Variants in PATJ observed in about 807,000 individuals in gnomAD.
PATJ encodes the protein PATJ crumbs cell polarity complex component.
PATJ carries 190 observed loss-of-function variants against 224.9 expected under a neutral mutation model. That is an observed-to-expected ratio of 0.84 (90% CI 0.75 to 0.95). PATJ has a LOEUF of 0.95. Among genes scored for constraint, PATJ ranks in the 40% least tolerant of loss-of-function variants. The pLI is 0.00. For missense variants in PATJ, 2,121 were observed against 2,270.3 expected, an observed-to-expected ratio of 0.93 and a Z score of 1.34; for synonymous variants, 769 against 820.3, an observed-to-expected ratio of 0.94 and a Z score of 1.07.
At chr1:61,795,947 C>T (rs1417578085) in intron 10 of PATJ, among the ~76,000 whole-genome samples, 2 of 152,064 alleles carry the variant, frequency 1.3e-5, no homozygotes, top group Non-Finnish European at 2.9e-5. Flanking sequence ...TTTCTGTTAA[C>T]AATAATTATA....
intron 41 of PATJ, among the ~76,000 whole-genome samples, chr1:62,132,697 G>A (rs143491731): frequency 0.013 from 2,019 of 152,226 alleles, 22 homozygotes; most frequent in Non-Finnish European, 0.022. Context: ...GAGCCCAGAA[G>A]TTTGAGACCA....
intron 23 of PATJ, among the ~76,000 whole-genome samples, chr1:61,900,934 C>T (rs1160266105): frequency 6.6e-6 from 1 of 152,124 alleles, no homozygotes; most frequent in Non-Finnish European, 1.5e-5. Context: ...GTTATTTCTT[C>T]AGTCCATTCT....
intron 26 of PATJ, among the ~76,000 whole-genome samples, chr1:61,920,023 C>T (rs1674054292): frequency 6.6e-6 from 1 of 152,088 alleles, no homozygotes; most frequent in Non-Finnish European, 1.5e-5. Flanking sequence ...CTTATACTTA[C>T]TGATTTTTTT....
rs1220116143 is a variant in PATJ at position 62,086,436 on chromosome 1, G to A, written c.4377+1788G>A. ...GCCCTTCACTACCTAAAACCAGGGC[G>A]ACTCCCTAGAGACAATCACTCTTGT... On this transcript the variant is annotated intron_variant, in intron 33 of 43. Coordinates refer to ENST00000642238, the MANE Select transcript of PATJ (RefSeq NM_001350145.3). This position sits in a 1 kb window ranked among gnomAD's most constrained non-coding sequence, Gnocchi z 4.0. Among the ~76,000 whole-genome samples the A allele has an allele frequency of 7.9e-5, 12 of 152,050 alleles. No individual in the cohort carries two copies. The highest frequency in any genetic ancestry group is 2.2e-4 in the African/African-American group (9 of 41,378).
At chr1:62,110,194 C>T (rs1387931669) in intron 34 of PATJ, among the ~76,000 whole-genome samples, 3 of 152,192 alleles carry the variant, frequency 2.0e-5, no homozygotes, top group African/African-American at 4.8e-5. Flanking sequence ...GAGAGTCTAA[C>T]ACTTGTTTAG....
chr1:62,144,772 A>AT (rs1558231247), intron 41 of PATJ, among the ~76,000 whole-genome samples: 12 of 79,328 alleles, frequency 1.5e-4, no homozygotes, highest in African/African-American at 7.5e-4. Context: ...TTTGCAAAAA[A>AT]AAAAAATATA....
chr1:61,968,946 T>C (rs917468301), intron 27 of PATJ, among the ~76,000 whole-genome samples: 2 of 152,252 alleles, frequency 1.3e-5, no homozygotes, highest in African/African-American at 4.8e-5. Context: ...TTGACTACTT[T>C]AGATGTTTTG....
intron 24 of PATJ, among the ~76,000 whole-genome samples, chr1:61,902,377 C>G (rs1345987067): frequency 6.6e-6 from 1 of 151,878 alleles, no homozygotes; most frequent in Non-Finnish European, 1.5e-5. Flanking sequence ...ATGATGCTAA[C>G]TGTTAATCAT....
At chr1:61,998,741 TA>T (rs1468430888) in intron 28 of PATJ, among the ~76,000 whole-genome samples, 2 of 152,200 alleles carry the variant, frequency 1.3e-5, no homozygotes, top group East Asian at 3.9e-4. Flanking sequence ...CAGGAACTAT[TA>T]TGTAAAACCT....
chr1:62,121,372 A>G (rs1184559264), intron 38 of PATJ, 77 bp downstream of exon 38: 1 of 870,506 alleles, frequency 1.1e-6, no homozygotes, highest in Non-Finnish European at 1.8e-6. Flanking sequence ...TTTAAAAACC[A>G]GTCTTCTTTA....
intron 41 of PATJ, among the ~76,000 whole-genome samples, chr1:62,138,720 A>C (rs980629011): frequency 6.6e-6 from 1 of 152,186 alleles, no homozygotes; most frequent in Admixed American, 6.5e-5. Flanking sequence ...GCGGGACATG[A>C]GAGAAAAGTT....
intron 28 of PATJ, among the ~76,000 whole-genome samples, chr1:62,008,349 C>G (rs1172073483): frequency 2.0e-5 from 3 of 152,206 alleles, no homozygotes; most frequent in Non-Finnish European, 4.4e-5. Context: ...CATTCCTCAT[C>G]TGGTCTGGCT....
In PATJ at chr1:61,744,726, C is replaced by T. The variant is rs555843412; in HGVS notation, c.-36+2171C>T. Among the ~76,000 whole-genome samples the T allele has an allele frequency of 3.5e-4, 53 of 152,284 alleles. 1 individual carries two copies. Among genetic ancestry groups the T allele is most frequent in the African/African-American group, 1.2e-3 (49 of 41,564 alleles). ...TCTGCATCAAGCAATAGCTGAGCATCTAACAGTTCGATTCTGAAACTATTT... is the reference window on the plus strand; with the variant it reads ...TCTGCATCAAGCAATAGCTGAGCATTTAACAGTTCGATTCTGAAACTATTT... On this transcript the variant is annotated intron_variant, in intron 1 of 43. Transcript: ENST00000642238.
intron 6 of PATJ, among the ~76,000 whole-genome samples, chr1:61,773,205 G>T (rs1646717335): frequency 6.6e-6 from 1 of 151,944 alleles, no homozygotes; most frequent in African/African-American, 2.4e-5. Context: ...TGTACTTTTG[G>T]TAGAGATGGG....
intron 12 of PATJ, among the ~76,000 whole-genome samples, chr1:61,804,107 C>A (rs1653072486): frequency 1.3e-5 from 2 of 152,004 alleles, no homozygotes; most frequent in Non-Finnish European, 1.5e-5. Context: ...AAATAAATTG[C>A]CAATTTTGTT....
Position 61,771,568 on chromosome 1 carries a change from C to T in PATJ, c.662C>T (p.Pro221Leu), listed in dbSNP as rs756693199. Reference protein sequence around the residue: ...GSLRLIVAREPVHTKSSTSSS... With the variant: ...GSLRLIVARELVHTKSSTSSS... ...TTGAGACTGATTGTGGCCAGGGAAC[C>T]AGTCCACACAAAAAGCAGTACTTCT... Residue 221 changes from proline to leucine, a missense_variant, in exon 6 of 44, where the codon CCA becomes CTA. By Grantham distance (98) the Pro-to-Leu change is moderately conservative. Coordinates refer to ENST00000642238, the MANE Select transcript of PATJ (RefSeq NM_001350145.3). The T allele has an allele frequency of 2.5e-6, 4 of 1,611,712 alleles. No individual in the cohort carries two copies. The highest frequency in any genetic ancestry group is 1.7e-5 in the Admixed American group (1 of 59,466).
chr1:61,873,895 T>A (rs1489855634), intron 20 of PATJ, among the ~76,000 whole-genome samples: 1 of 152,198 alleles, frequency 6.6e-6, no homozygotes, highest in Non-Finnish European at 1.5e-5. Context: ...TCAGCTGCTG[T>A]GGGGTGGCCC....
At chr1:61,817,725 A>G (rs748261061) in intron 14 of PATJ, among the ~76,000 whole-genome samples, 1 of 152,206 alleles carries the variant, frequency 6.6e-6, no homozygotes, top group Non-Finnish European at 1.5e-5. Context: ...ATGAAGCTCT[A>G]ATGGATCGTT....
chr1:61,822,810 T>G, intron 14 of PATJ, 135 bp from the exon 15 acceptor site: 2 of 987,858 alleles, frequency 2.0e-6, no homozygotes, highest in East Asian at 2.4e-5. Context: ...AATTTTCCTA[T>G]TATTGTCCTC....
Sources: allele counts gnomAD v4.1 joint callset (sites outside exome capture counted in the v4.1 genomes callset), GRCh38; gene constraint gnomAD v4.1.1; non-coding constraint Gnocchi (gnomAD v3.1); transcripts MANE v1.5; gene names NCBI Gene and HGNC (gene_info 2026-07-23, HGNC 2026-07-21).